The following CNTNAP2 variants were observed in gnomAD, a reference collection of about 807,000 sequenced individuals.
The protein encoded by CNTNAP2 is contactin-associated protein-like 2.
CNTNAP2 carries 98 observed loss-of-function variants against 155.2 expected under a neutral mutation model. That is an observed-to-expected ratio of 0.63 (90% CI 0.54 to 0.75). CNTNAP2 has a LOEUF of 0.75. Among genes scored for constraint, CNTNAP2 ranks in the 30% least tolerant of loss-of-function variants. The probability of loss-of-function intolerance (pLI) is 0.00; values close to 1 mark genes in which losing one functional copy is unlikely to be tolerated. For missense variants in CNTNAP2, 1,727 were observed against 1,688.1 expected, an observed-to-expected ratio of 1.02 and a Z score of -0.40; for synonymous variants, 651 against 631.2, an observed-to-expected ratio of 1.03 and a Z score of -0.47.
intron 14 of CNTNAP2, among the ~76,000 whole-genome samples, chr7:147,941,797 C>T (rs755234667): frequency 4.6e-5 from 7 of 152,148 alleles, no homozygotes; most frequent in South Asian, 2.1e-4. Context: ...CCATTTCTTG[C>T]TCAGTTGTTA....
chr7:147,917,063 G>A (rs1800174359), intron 14 of CNTNAP2, among the ~76,000 whole-genome samples: 1 of 152,202 alleles, frequency 6.6e-6, no homozygotes, highest in Non-Finnish European at 1.5e-5. Context: ...CTAAATCTAA[G>A]CAATGGTATT....
chr7:147,660,657 A>G (rs1473435671), intron 13 of CNTNAP2, among the ~76,000 whole-genome samples: 2 of 152,198 alleles, frequency 1.3e-5, no homozygotes, highest in Non-Finnish European at 2.9e-5. Flanking sequence ...CATATTGATC[A>G]TCTGCTCTCT....
intron 3 of CNTNAP2, among the ~76,000 whole-genome samples, chr7:147,001,075 A>G (rs1427789635): frequency 2.0e-5 from 3 of 152,092 alleles, no homozygotes; most frequent in Non-Finnish European, 2.9e-5. Context: ...CTCCCAAGTG[A>G]ACAGTGTCTC....
chr7:146,956,518 C>A (rs984231950), intron 3 of CNTNAP2, among the ~76,000 whole-genome samples: 24 of 152,118 alleles, frequency 1.6e-4, no homozygotes, highest in African/African-American at 5.3e-4. Flanking sequence ...TTGCAATTTG[C>A]AATTATCTCC....
rs534829840 is a variant in CNTNAP2, at chr7:147,056,375, A to G, written c.550+12321A>G. Among the ~76,000 whole-genome samples the G allele has an allele frequency of 1.5e-3, 233 of 151,336 alleles. 2 individuals are homozygous for G. The highest frequency in any genetic ancestry group is 2.5e-3 in the Non-Finnish European group (167 of 67,766). ...TGAAGTGCAAATGTTTTATTAAGGG[A>G]AAAAAAAACCCTCTTTCCCATGGCA... is the stretch of plus-strand genomic sequence containing the variant. On this transcript the variant is annotated intron_variant, in intron 4 of 23. Transcript: ENST00000361727.
intron 4 of CNTNAP2, among the ~76,000 whole-genome samples, chr7:147,104,369 A>G (rs934337273): frequency 2.6e-5 from 4 of 152,050 alleles, no homozygotes; most frequent in Non-Finnish European, 4.4e-5. Context: ...GTACAGTAAC[A>G]AAAATCAAAC....
intron 9 of CNTNAP2, among the ~76,000 whole-genome samples, chr7:147,362,618 C>CT (rs1381720227): frequency 6.6e-6 from 1 of 152,148 alleles, no homozygotes; most frequent in Non-Finnish European, 1.5e-5. Context: ...GGCATACTGA[C>CT]TGAATGTTCT....
At position 147,186,096 on chromosome 7, in the gene CNTNAP2, G is replaced by A. The variant is rs536207206; in HGVS notation, c.1348+53587G>A. 2.6e-5 allele frequency among the ~76,000 whole-genome samples: 4 copies of A among 152,154 alleles called. No homozygotes were observed. In the South Asian group the frequency reaches 6.2e-4, roughly 24 times the overall value. ...GACTAACATGTGCATATGTTAAAAC[G>A]ACATTTTGAAAGGGAAGAGAAGGAA... On this transcript the variant is annotated intron_variant, in intron 8 of 23. Transcript: ENST00000361727.
intron 1 of CNTNAP2, among the ~76,000 whole-genome samples, chr7:146,625,830 A>G (rs1230954362): frequency 6.6e-6 from 1 of 152,068 alleles, no homozygotes; most frequent in Non-Finnish European, 1.5e-5. Context: ...TCTCCTACAA[A>G]GGAATAATTT....
intron 8 of CNTNAP2, among the ~76,000 whole-genome samples, chr7:147,265,118 T>G (rs1804577473): frequency 6.6e-6 from 1 of 152,174 alleles, no homozygotes; most frequent in Non-Finnish European, 1.5e-5. Flanking sequence ...GAGAGTTAAA[T>G]TCTAGCTCCT....
intron 3 of CNTNAP2, among the ~76,000 whole-genome samples, chr7:147,010,640 G>A (rs1284754477): frequency 6.6e-6 from 1 of 152,018 alleles, no homozygotes; most frequent in African/African-American, 2.4e-5. Flanking sequence ...AATAAAATAG[G>A]AATCTTTCAG....
chr7:146,663,381 T>A (rs960125634), intron 1 of CNTNAP2, among the ~76,000 whole-genome samples: 3 of 151,970 alleles, frequency 2.0e-5, no homozygotes, highest in Non-Finnish European at 2.9e-5. Flanking sequence ...ATTTTTTTTT[T>A]AATTCCATTC....
intron 1 of CNTNAP2, among the ~76,000 whole-genome samples, chr7:146,228,125 A>T (rs1799325383): frequency 6.6e-6 from 1 of 152,194 alleles, no homozygotes; most frequent in Non-Finnish European, 1.5e-5. Context: ...ATTCATTTTG[A>T]GAGAGAGAAT....
intron 4 of CNTNAP2, among the ~76,000 whole-genome samples, chr7:147,083,523 T>C (rs1468926837): frequency 1.3e-5 from 1 of 75,726 alleles, no homozygotes; most frequent in South Asian, 3.7e-4. Flanking sequence ...AACATCATTT[T>C]ATATATATAT....
chr7:147,121,287 C>T, intron 6 of CNTNAP2, 124 bp downstream of exon 6: 1 of 927,084 alleles, frequency 1.1e-6, no homozygotes, highest in South Asian at 1.7e-5. Flanking sequence ...CTAAACAAGA[C>T]ACTGACAATT....
At chr7:147,062,480 G>T (rs1473910514) in intron 4 of CNTNAP2, among the ~76,000 whole-genome samples, 1 of 151,440 alleles carries the variant, frequency 6.6e-6, no homozygotes, top group Non-Finnish European at 1.5e-5. Flanking sequence ...AATCAAAAGA[G>T]ATGGCCTTTT....
Position 146,667,180 on chromosome 7 carries a change from A to G in CNTNAP2, c.98-107091A>G, listed in dbSNP as rs4395809. On this transcript the variant is annotated intron_variant, in intron 1 of 23. Coordinates refer to ENST00000361727, the MANE Select transcript of CNTNAP2 (RefSeq NM_014141.6). ...CTTTGTATGTGGTGAGAGGTGGGGG[A>G]TTAGTTACTTTCTGCAGGAGATACT... Among the ~76,000 whole-genome samples, 890 of 151,938 alleles carry G rather than the reference A, an allele frequency of 5.9e-3. 62 individuals are homozygous for G. In the East Asian group the frequency reaches 0.14, roughly 24 times the overall value.
At chr7:146,263,864 A>G (rs1799956571) in intron 1 of CNTNAP2, among the ~76,000 whole-genome samples, 1 of 152,208 alleles carries the variant, frequency 6.6e-6, no homozygotes, top group Non-Finnish European at 1.5e-5. Flanking sequence ...CAGATAAATT[A>G]CCTGAGAGGT....
At chr7:147,604,820 C>T (rs970730271) in intron 12 of CNTNAP2, among the ~76,000 whole-genome samples, 6 of 152,140 alleles carry the variant, frequency 3.9e-5, no homozygotes, top group Non-Finnish European at 8.8e-5. Flanking sequence ...TGAAAACCAC[C>T]CTCATGTGTG....
Sources: allele counts gnomAD v4.1 joint callset (sites outside exome capture counted in the v4.1 genomes callset), GRCh38; gene constraint gnomAD v4.1.1; transcripts MANE v1.5; gene names NCBI Gene and HGNC (gene_info 2026-07-23, HGNC 2026-07-21).